CSMD3: variants seen among roughly 807,000 people sequenced by gnomAD.
The protein encoded by CSMD3 is CUB and sushi domain-containing protein 3.
Under a neutral mutation model 435.2 loss-of-function variants are expected in CSMD3, and 177 were observed. The observed-to-expected ratio is 0.41, with a 90% CI of 0.36 to 0.46. The LOEUF is 0.46. Among genes scored for constraint, CSMD3 ranks in the 20% least tolerant of loss-of-function variants. The pLI is 0.34. For synonymous variants in CSMD3, 1,656 were observed against 1,520.5 expected (o/e 1.09, Z -2.07); for missense variants, 4,265 against 4,504.6 (o/e 0.95, Z 1.52).
intron 2 of CSMD3, among the ~76,000 whole-genome samples, chr8:113,296,523 C>CA (rs201757743): frequency 0.012 from 1,756 of 151,206 alleles, 30 homozygotes; most frequent in African/African-American, 0.038. Flanking sequence ...GACTCTGTCT[C>CA]AAAAAAAACC....
chr8:112,604,536 G>A (rs1832641723), intron 22 of CSMD3, among the ~76,000 whole-genome samples: 1 of 152,030 alleles, frequency 6.6e-6, no homozygotes, highest in Admixed American at 6.6e-5. Context: ...TAAGGGAAAG[G>A]ATTCTCTATG....
At chr8:112,985,551 A>G (rs1208768955) in intron 6 of CSMD3, among the ~76,000 whole-genome samples, 2 of 152,168 alleles carry the variant, frequency 1.3e-5, no homozygotes, top group Non-Finnish European at 2.9e-5. Context: ...ACCAACCCCC[A>G]GGCCACGGAC....
intron 7 of CSMD3, among the ~76,000 whole-genome samples, chr8:112,970,692 A>C (rs2084618093): frequency 6.6e-6 from 1 of 150,932 alleles, no homozygotes; most frequent in South Asian, 2.1e-4. Flanking sequence ...ATAATTTACT[A>C]GTTTCAAACA....
chr8:113,173,585 G>T (rs902494620), intron 4 of CSMD3, 137 bp downstream of exon 4: 102 of 735,894 alleles, frequency 1.4e-4, no homozygotes, highest in African/African-American at 1.7e-5. Flanking sequence ...GCCTCCCAAA[G>T]TGCTGGGATT....
chr8:113,250,740 C>A lies in CSMD3; in HGVS notation c.514+27852G>T, dbSNP rs566963641. The stretch of plus-strand genomic sequence containing the variant: ...TTGATTGGATTCAGTAGATGAGGAA[C>A]ATAATAGTGTTAAAATAGATCTCTC... On this transcript the variant is annotated intron_variant, in intron 3 of 70. Coordinates refer to ENST00000297405, the MANE Select transcript of CSMD3 (RefSeq NM_198123.2). Among the ~76,000 whole-genome samples the A allele has an allele frequency of 3.9e-5, 6 of 152,096 alleles. No individual in the cohort carries two copies. The East Asian group carries it at 1.2e-3, about 29-fold the overall frequency.
chr8:112,571,954 A>T (rs1292460908), intron 24 of CSMD3, among the ~76,000 whole-genome samples: 1 of 151,792 alleles, frequency 6.6e-6, no homozygotes, highest in Non-Finnish European at 1.5e-5. Flanking sequence ...TTACGTAAAC[A>T]TTGTGTCATG....
intron 61 of CSMD3, among the ~76,000 whole-genome samples, chr8:112,262,235 C>A (rs16883320): frequency 0.21 from 31,822 of 151,984 alleles, 3,785 homozygotes; most frequent in East Asian, 0.37. Context: ...AATGTCCATT[C>A]TTTCCCTACT....
At chr8:112,882,110 T>C (rs566690940) in intron 10 of CSMD3, among the ~76,000 whole-genome samples, 1 of 151,958 alleles carries the variant, frequency 6.6e-6, no homozygotes, top group Non-Finnish European at 1.5e-5. Context: ...AGCCTTAGCA[T>C]AAAACTATCA....
chr8:112,248,886 C>A (rs531362699), intron 63 of CSMD3, among the ~76,000 whole-genome samples: 1 of 152,152 alleles, frequency 6.6e-6, no homozygotes, highest in African/African-American at 2.4e-5. Context: ...TCCCTGGATG[C>A]CCCATTTTCT....
At chr8:113,105,247 G>A (rs1199081965) in intron 4 of CSMD3, among the ~76,000 whole-genome samples, 1 of 152,054 alleles carries the variant, frequency 6.6e-6, no homozygotes, top group Admixed American at 6.6e-5. Flanking sequence ...GAAGAACTGT[G>A]ATCTAAGAGA....
intron 20 of CSMD3, among the ~76,000 whole-genome samples, chr8:112,644,671 A>G (rs1292635544): frequency 1.3e-5 from 2 of 152,096 alleles, no homozygotes; most frequent in Admixed American, 6.6e-5. Context: ...TATATAGAGA[A>G]TATAATTGTT....
chr8:112,977,708 G>A (rs952923832), intron 6 of CSMD3, among the ~76,000 whole-genome samples: 2 of 151,970 alleles, frequency 1.3e-5, no homozygotes, highest in East Asian at 3.9e-4. Context: ...AGTAAATGAG[G>A]TATGACGATT....
At chr8:113,073,958 T>C (rs1266391814) in intron 5 of CSMD3, among the ~76,000 whole-genome samples, 1 of 151,814 alleles carries the variant, frequency 6.6e-6, no homozygotes, top group African/African-American at 2.4e-5. Flanking sequence ...GATCCAAGTA[T>C]ATTGCGTACA....
chr8:113,135,544 TAAG>T (rs965702283), intron 4 of CSMD3, among the ~76,000 whole-genome samples: 3 of 151,882 alleles, frequency 2.0e-5, no homozygotes, highest in African/African-American at 7.2e-5. Context: ...TACCTGAGTT[TAAG>T]AAGAATTAGA....
rs142632380 is a variant in CSMD3 at position 112,837,362 on chromosome 8, A to G, written c.1756-7573T>C. 2.1e-3 allele frequency among the ~76,000 whole-genome samples: 317 copies of G among 151,858 alleles called. 1 individual carries two copies. Among genetic ancestry groups the G allele is most frequent in the Non-Finnish European group, 2.2e-3 (150 of 67,798 alleles). ...ATTAATGATGCTTTAACTAATGCCA[A>G]TACCAATACCAATACCAAGCTATAC... On this transcript the variant is annotated intron_variant, in intron 11 of 70. Transcript: ENST00000297405.
chr8:112,524,332 G>T (rs1386305100), intron 27 of CSMD3, among the ~76,000 whole-genome samples: 1 of 150,152 alleles, frequency 6.7e-6, no homozygotes, highest in Admixed American at 6.6e-5. Context: ...ACCAGTATTA[G>T]TAAGTAAAAA....
chr8:112,647,639 T>C (rs568796920), intron 19 of CSMD3, among the ~76,000 whole-genome samples: 8 of 152,188 alleles, frequency 5.3e-5, no homozygotes, highest in African/African-American at 1.9e-4. Context: ...CTAACACCTA[T>C]TGTGTCAGTA....
At chr8:112,439,437 C>T (rs1462859967) in intron 32 of CSMD3, among the ~76,000 whole-genome samples, 1 of 152,054 alleles carries the variant, frequency 6.6e-6, no homozygotes, top group Non-Finnish European at 1.5e-5. Context: ...CCGTGACATA[C>T]TTTTAAAATA....
At chr8:112,370,080 A>AGAAGAAGAAGAG (rs1828229371) in intron 38 of CSMD3, among the ~76,000 whole-genome samples, 1 of 147,182 alleles carries the variant, frequency 6.8e-6, no homozygotes, top group Non-Finnish European at 1.5e-5. Flanking sequence ...AAGAAGAAGA[A>AGAAGAAGAAGAG]GAAGTAGTAG....
Sources: allele counts gnomAD v4.1 joint callset (sites outside exome capture counted in the v4.1 genomes callset), GRCh38; gene constraint gnomAD v4.1.1; transcripts MANE v1.5; gene names NCBI Gene and HGNC (gene_info 2026-07-23, HGNC 2026-07-21).